The following KIAA1549 variants were observed in gnomAD, a reference collection of about 807,000 sequenced individuals.
The protein encoded by KIAA1549 is UPF0606 protein KIAA1549.
KIAA1549 carries 70 observed loss-of-function variants against 156.4 expected under a neutral mutation model. That is an observed-to-expected ratio of 0.45 (90% CI 0.37 to 0.55). KIAA1549 has a LOEUF of 0.55. Ranked by LOEUF, KIAA1549 falls within the 20% of genes least tolerant of loss-of-function variation. The pLI is 0.00. For missense variants in KIAA1549, 2,428 were observed against 2,540.9 expected, an observed-to-expected ratio of 0.96 and a Z score of 0.96; for synonymous variants, 1,103 against 1,066.4, an observed-to-expected ratio of 1.03 and a Z score of -0.67.
Position 138,922,202 on chromosome 7 carries a change from T to C in KIAA1549, c.188-2764A>G, listed in dbSNP as rs573512019. 5.4e-4 allele frequency among the ~76,000 whole-genome samples: 82 copies of C among 152,358 alleles called. 1 individual carries two copies. The highest frequency in any genetic ancestry group is 1.2e-3 in the South Asian group (6 of 4,828). ...AACGTCATCCCGAGTGTGGAACCTATACTACTTGTATAGTCCTAACAACTG... is the reference window on the plus strand; with the variant it reads ...AACGTCATCCCGAGTGTGGAACCTACACTACTTGTATAGTCCTAACAACTG... On this transcript the variant is annotated intron_variant, in intron 1 of 19. Transcript: ENST00000422774.
intron 5 of KIAA1549, among the ~76,000 whole-genome samples, chr7:138,908,041 GAATTTTCCCACCAGGAGAT>G (rs1812059724): frequency 6.6e-6 from 1 of 152,080 alleles, no homozygotes; most frequent in African/African-American, 2.4e-5. Flanking sequence ...GCGCTCCGAC[GAATTTTCCCACCAGGAGAT>G]GGAGCTGACG....
At chr7:138,844,546 C>T (rs1416112722) in intron 17 of KIAA1549, 72 bp from the exon 18 acceptor site, 3 of 1,358,034 alleles carry the variant, frequency 2.2e-6, no homozygotes, top group African/African-American at 1.5e-5. Flanking sequence ...AGGTCCACCC[C>T]CAACCTTACA....
At chr7:138,866,630 G>A (rs902454226) in intron 15 of KIAA1549, among the ~76,000 whole-genome samples, 3 of 152,160 alleles carry the variant, frequency 2.0e-5, no homozygotes, top group Non-Finnish European at 4.4e-5. Context: ...CACCTGGCTC[G>A]CCCTCTCTGT....
At chr7:138,873,436 T>A (rs1810992655) in intron 12 of KIAA1549, among the ~76,000 whole-genome samples, 1 of 152,154 alleles carries the variant, frequency 6.6e-6, no homozygotes, top group Non-Finnish European at 1.5e-5. Context: ...AAGGAGATCA[T>A]GAGCTTCTCC....
At chr7:138,880,698 C>CTTT (rs948789557) in intron 11 of KIAA1549, among the ~76,000 whole-genome samples, 9 of 152,208 alleles carry the variant, frequency 5.9e-5, no homozygotes, top group Admixed American at 2.0e-4. Context: ...ATTCTGAACT[C>CTTT]TGTCTTCTTT....
rs748674912 is a variant in KIAA1549, at chr7:138,918,160, G to C, written c.1466C>G (p.Pro489Arg). The change falls in exon 2 of 20, where the codon CCT becomes CGT. Residue 489 changes from proline to arginine, a missense_variant. By Grantham distance (103) the Pro-to-Arg change is moderately radical. Transcript: ENST00000422774. The surrounding 1 kb of genome is among the most constrained non-coding windows in gnomAD (Gnocchi z 4.2). ...QVFNTLFPSR[P>R]IVPLSSRSME... ...GGATCTAGAAGAAAGTGGGACGATAGGTCTGGAGGGGAAAAGCGTATTAAA... is the reference window on the plus strand; with the variant it reads ...GGATCTAGAAGAAAGTGGGACGATACGTCTGGAGGGGAAAAGCGTATTAAA... 5 of 1,613,934 alleles carry C rather than the reference G, an allele frequency of 3.1e-6. No individual in the cohort carries two copies. Among genetic ancestry groups the C allele is most frequent in the Non-Finnish European group, 4.2e-6 (5 of 1,179,838 alleles).
At chr7:138,975,106 A>C (rs906072176) in intron 1 of KIAA1549, among the ~76,000 whole-genome samples, 6 of 152,190 alleles carry the variant, frequency 3.9e-5, no homozygotes, top group African/African-American at 1.4e-4. Flanking sequence ...CTAACAAGCT[A>C]CGAGGCAGTG....
chr7:138,947,578 C>A (rs1813372940), intron 1 of KIAA1549, among the ~76,000 whole-genome samples: 1 of 152,166 alleles, frequency 6.6e-6, no homozygotes, highest in Non-Finnish European at 1.5e-5. Flanking sequence ...AAGAATCTTA[C>A]AAAACATATA....
In KIAA1549 at chr7:138,832,891, CA is replaced by C. The variant is rs1809581002; in HGVS notation, c.*5014del. ...ACCCGAAATGCACATCCTCCTTGTT[CA>C]TTAGGTAACAAGTGTTAAGTCTATC... On this transcript the variant is annotated 3_prime_UTR_variant, in exon 20 of 20. Transcript: ENST00000422774. 2 of 229,558 alleles carry C rather than the reference CA, an allele frequency of 8.7e-6. No individual in the cohort carries two copies. The highest frequency in any genetic ancestry group is 1.7e-5 in the Non-Finnish European group (2 of 115,844). 14.2% of individuals were successfully genotyped at this position (229,558 alleles called of 1,614,324 possible).
Position 138,838,141 on chromosome 7 carries a change from T to C in KIAA1549, c.5618A>G (p.Gln1873Arg). The change falls in exon 20 of 20, where the codon CAA becomes CGA. Residue 1873 changes from glutamine to arginine, a missense_variant. By Grantham distance (43) the Gln-to-Arg change is conservative (BLOSUM62 1). Transcript: ENST00000422774. ...RREATHMLGHQEYSSSPLFQV... is the reference protein window; with the variant it reads ...RREATHMLGHREYSSSPLFQV... ...AAATAGCGGTGAAGAAGAATACTCTTGATGTCCGAGCATGTGTGTCTGAAA... is the reference window on the plus strand; with the variant it reads ...AAATAGCGGTGAAGAAGAATACTCTCGATGTCCGAGCATGTGTGTCTGAAA... The C allele has an allele frequency of 1.3e-6, 2 of 1,494,706 alleles. No homozygotes were observed. Among genetic ancestry groups the C allele is most frequent in the Non-Finnish European group, 1.8e-6 (2 of 1,128,040 alleles). 92.6% of individuals were successfully genotyped at this position (1,494,706 alleles called of 1,614,324 possible). A position where few individuals can be genotyped will look rare whatever the true frequency, so the allele number is the denominator to read the frequency against.
chr7:138,958,315 C>T (rs1245319843), intron 1 of KIAA1549, among the ~76,000 whole-genome samples: 1 of 152,222 alleles, frequency 6.6e-6, no homozygotes, highest in Non-Finnish European at 1.5e-5. Context: ...GATGCTCATT[C>T]TCTCCTGACC....
At chr7:138,951,994 G>A (rs1303638773) in intron 1 of KIAA1549, among the ~76,000 whole-genome samples, 1 of 152,162 alleles carries the variant, frequency 6.6e-6, no homozygotes. Flanking sequence ...ATGAATGCTG[G>A]GTTAACCAAT....
At chr7:138,938,997 G>A (rs917144426) in intron 1 of KIAA1549, among the ~76,000 whole-genome samples, 1 of 152,058 alleles carries the variant, frequency 6.6e-6, no homozygotes, top group African/African-American at 2.4e-5. Flanking sequence ...GCAGTGAGCC[G>A]AGTGAGACTC....
chr7:138,839,851 G>A (rs972646585), intron 19 of KIAA1549, among the ~76,000 whole-genome samples: 2 of 124,066 alleles, frequency 1.6e-5, no homozygotes, highest in African/African-American at 6.1e-5. Flanking sequence ...GCAGTGGCAC[G>A]ATCTCGGCTT....
At chr7:138,922,054 G>A (rs1050230832) in intron 1 of KIAA1549, among the ~76,000 whole-genome samples, 16 of 152,174 alleles carry the variant, frequency 1.1e-4, no homozygotes, top group Admixed American at 3.9e-4. Context: ...GGCTTCAGAA[G>A]GAAGCCACCC....
At chr7:138,951,979 T>A (rs1013505090) in intron 1 of KIAA1549, among the ~76,000 whole-genome samples, 1 of 152,148 alleles carries the variant, frequency 6.6e-6, no homozygotes, top group Non-Finnish European at 1.5e-5. Context: ...TGGACTGGAA[T>A]CTCCATGAAT....
At chr7:138,839,211 G>C (rs1809836091) in intron 19 of KIAA1549, among the ~76,000 whole-genome samples, 1 of 152,166 alleles carries the variant, frequency 6.6e-6, no homozygotes, top group African/African-American at 2.4e-5. Context: ...AAGGAATTGA[G>C]TGTGTCTGTT....
intron 1 of KIAA1549, among the ~76,000 whole-genome samples, chr7:138,980,107 C>G (rs866578812): frequency 8.5e-5 from 13 of 152,180 alleles, no homozygotes. Flanking sequence ...AAGGAGGATT[C>G]GGAGCAGCGT....
At chr7:138,937,251 G>C (rs1813043037) in intron 1 of KIAA1549, among the ~76,000 whole-genome samples, 1 of 151,930 alleles carries the variant, frequency 6.6e-6, no homozygotes, top group Non-Finnish European at 1.5e-5. Flanking sequence ...AACCCTGCAT[G>C]TGCTTCTCTC....
Sources: allele counts gnomAD v4.1 joint callset (sites outside exome capture counted in the v4.1 genomes callset), GRCh38; gene constraint gnomAD v4.1.1; non-coding constraint Gnocchi (gnomAD v3.1); transcripts MANE v1.5; gene names NCBI Gene and HGNC (gene_info 2026-07-23, HGNC 2026-07-21).